ESYT3: variants seen among roughly 807,000 people sequenced by gnomAD.
ESYT3 encodes extended synaptotagmin 3.
ESYT3 carries 101 observed loss-of-function variants against 111.5 expected under a neutral mutation model. The observed-to-expected ratio is 0.91, with a 90% CI of 0.77 to 1.07. The LOEUF is 1.07. Among genes scored for constraint, ESYT3 ranks in the 50% least tolerant of loss-of-function variants. The pLI is 0.00. For synonymous variants in ESYT3, 416 were observed against 446.8 expected, an observed-to-expected ratio of 0.93 and a Z score of 0.87; for missense variants, 1,097 against 1,109.4, an observed-to-expected ratio of 0.99 and a Z score of 0.16.
chr3:138,471,119 C>A lies in ESYT3; in HGVS notation c.1740+93C>A, dbSNP rs981813065. 2.9e-6 allele frequency: 3 copies of A among 1,036,874 alleles called. No homozygotes were observed. In the Admixed American group the frequency reaches 6.0e-5, roughly 21 times the overall value. 64.2% of individuals were successfully genotyped at this position (1,036,874 alleles called of 1,614,324 possible). A position where few individuals can be genotyped will look rare whatever the true frequency, so the allele number is the denominator to read the frequency against. ...CCCAGCACTAAGCACCTGCTGTGTGCCTGGAAGAAGCCAGGAGATGGATTC... is the reference window on the plus strand; with the variant it reads ...CCCAGCACTAAGCACCTGCTGTGTGACTGGAAGAAGCCAGGAGATGGATTC... On this transcript the variant is annotated intron_variant, in intron 17 of 22. Coordinates refer to ENST00000389567, the MANE Select transcript of ESYT3 (RefSeq NM_031913.5).
At chr3:138,453,515 G>A (rs907904354) in intron 2 of ESYT3, among the ~76,000 whole-genome samples, 1 of 152,176 alleles carries the variant, frequency 6.6e-6, no homozygotes, top group South Asian at 2.1e-4. Context: ...GGAACAATGA[G>A]CCCTAAAATC....
At chr3:138,449,410 A>G (rs1244129430) in intron 1 of ESYT3, among the ~76,000 whole-genome samples, 1 of 152,086 alleles carries the variant, frequency 6.6e-6, no homozygotes, top group African/African-American at 2.4e-5. Context: ...TTCAGGATGC[A>G]TGTGGGTCAC....
intron 1 of ESYT3, among the ~76,000 whole-genome samples, chr3:138,444,840 A>G (rs1032263370): frequency 2.6e-5 from 4 of 152,236 alleles, no homozygotes; most frequent in African/African-American, 9.6e-5. Flanking sequence ...TTGGTGACAC[A>G]GCAGTGTTCT....
chr3:138,473,465 T>C (rs1030657104), intron 18 of ESYT3, 71 bp from the exon 19 acceptor site: 22 of 1,348,210 alleles, frequency 1.6e-5, no homozygotes, highest in Non-Finnish European at 2.2e-5. Flanking sequence ...AATGCTTCTT[T>C]GTCTTTGGGG....
chr3:138,468,122 C>G lies in ESYT3; in HGVS notation c.1236C>G (p.Asp412Glu). ...CCCCACAGTGGTTTGTCCTGAATGACACAACCAGCGGGCGGCTGCACCTGC... is the reference window on the plus strand; with the variant it reads ...CCCCACAGTGGTTTGTCCTGAATGAGACAACCAGCGGGCGGCTGCACCTGC... ...RVVDEWFVLNDTTSGRLHLRL... is the reference protein window; with the variant it reads ...RVVDEWFVLNETTSGRLHLRL... The change falls in exon 12 of 23, where the codon GAC becomes GAG. Residue 412 changes from aspartate (D) to glutamate (E), a missense_variant. By Grantham distance (45) the Asp-to-Glu change is conservative. Coordinates refer to ENST00000389567, the MANE Select transcript of ESYT3 (RefSeq NM_031913.5). 6.2e-7 allele frequency: 1 copy of G among 1,614,146 alleles called. No individual in the cohort carries two copies. Among genetic ancestry groups the G allele is most frequent in the Non-Finnish European group, 8.5e-7 (1 of 1,180,024 alleles).
At position 138,457,650 on chromosome 3, in the gene ESYT3, C is replaced by G. The variant is rs759241078; in HGVS notation, c.581+6C>G. Reference sequence around the variant, plus strand: ...ACTGTGGACCTGCAGATCTGGTGAGCTCTATCGGGCTGGGTATGGGCTTCG... The same window carrying G: ...ACTGTGGACCTGCAGATCTGGTGAGGTCTATCGGGCTGGGTATGGGCTTCG... On this transcript the variant is annotated splice_donor_region_variant and intron_variant, in intron 4 of 22. Transcript: ENST00000389567. The G allele has an allele frequency of 6.2e-7, 1 of 1,614,070 alleles. No individual in the cohort carries two copies.
chr3:138,450,524 T>G (rs2031852231), intron 1 of ESYT3, among the ~76,000 whole-genome samples: 1 of 152,150 alleles, frequency 6.6e-6, no homozygotes, highest in African/African-American at 2.4e-5. Flanking sequence ...TATAAACTTT[T>G]CTGAGTTAGT....
At chr3:138,470,584 C>T (rs931301391) in intron 16 of ESYT3, 1 of 1,187,884 alleles carries the variant, frequency 8.4e-7, no homozygotes, top group Non-Finnish European at 1.0e-6. Context: ...GGGCCCTGAG[C>T]CCTGCCTGGA....
At chr3:138,456,139 A>T (rs1325667576) in intron 3 of ESYT3, among the ~76,000 whole-genome samples, 1 of 152,118 alleles carries the variant, frequency 6.6e-6, no homozygotes, top group Non-Finnish European at 1.5e-5. Context: ...AGCCCTGGAG[A>T]TTGGGATTTC....
Position 138,459,228 on chromosome 3 carries a change from T to C in ESYT3, c.623T>C (p.Ile208Thr). ...DCEISVELQK[I>T]QAGVNGIQLQ... is the part of the protein sequence containing the mutation. ...GAGATCAGTGTGGAGCTGCAGAAGATTCAGGCTGGTGTGAACGGGATCCAG... is the reference window on the plus strand; with the variant it reads ...GAGATCAGTGTGGAGCTGCAGAAGACTCAGGCTGGTGTGAACGGGATCCAG... Residue 208 changes from isoleucine (I) to threonine (T), a missense_variant, in exon 5 of 23, where the codon ATT becomes ACT. By Grantham distance (89) the Ile-to-Thr change is moderately conservative. Transcript: ENST00000389567. The C allele has an allele frequency of 6.4e-7, 1 of 1,561,188 alleles. No individual in the cohort carries two copies. The highest frequency in any genetic ancestry group is 2.4e-5 in the East Asian group (1 of 42,284).
rs374878852 is a variant in ESYT3 at position 138,455,184 on chromosome 3, G to A, written c.370-10G>A. Reference sequence around the variant, plus strand: ...ACCTGACTACCAAGAGCCTCTTCCCGTCTTCACAGATCATCTCTCAGACCT... The same window carrying A: ...ACCTGACTACCAAGAGCCTCTTCCCATCTTCACAGATCATCTCTCAGACCT... On this transcript the variant is annotated splice_polypyrimidine_tract_variant and intron_variant, in intron 2 of 22. Transcript: ENST00000389567. 231 of 1,614,048 alleles carry A rather than the reference G, an allele frequency of 1.4e-4. No individual in the cohort carries two copies. Among genetic ancestry groups the A allele is most frequent in the Middle Eastern group, 1.3e-3 (8 of 6,060 alleles).
intron 1 of ESYT3, among the ~76,000 whole-genome samples, chr3:138,448,567 CAG>C (rs918112934): frequency 2.2e-4 from 34 of 151,990 alleles, no homozygotes; most frequent in South Asian, 4.2e-4. Context: ...TAAAAAAATC[CAG>C]AGAGATTAAA....
Position 138,472,946 on chromosome 3 carries a change from T to A in ESYT3, c.2237+87T>A, listed in dbSNP as rs2033306808. 4 of 1,522,210 alleles carry A rather than the reference T, an allele frequency of 2.6e-6. No individual in the cohort carries two copies. In the Admixed American group the frequency reaches 8.5e-5, roughly 32 times the overall value. 94.3% of individuals were successfully genotyped at this position (1,522,210 alleles called of 1,614,324 possible). ...GGAAAAGTAGATATGAACTTACATTTCTGTGCAAGTTGTTTTTTCACAAAA... is the reference window on the plus strand; with the variant it reads ...GGAAAAGTAGATATGAACTTACATTACTGTGCAAGTTGTTTTTTCACAAAA... On this transcript the variant is annotated intron_variant, in intron 18 of 22. Transcript: ENST00000389567.
chr3:138,448,292 AATG>A (rs2031691743), intron 1 of ESYT3, among the ~76,000 whole-genome samples: 1 of 149,476 alleles, frequency 6.7e-6, no homozygotes, highest in African/African-American at 2.5e-5. Flanking sequence ...AAAAAAAAAA[AATG>A]CAGGGGAGGG....
At chr3:138,436,798 T>A (rs2030734054) in intron 1 of ESYT3, among the ~76,000 whole-genome samples, 1 of 152,224 alleles carries the variant, frequency 6.6e-6, no homozygotes, top group Non-Finnish European at 1.5e-5. Context: ...TTGATGGCCT[T>A]AGCCCATGAG....
Position 138,434,933 on chromosome 3 carries a change from C to T in ESYT3, c.135C>T (p.Tyr45=). ...CCTTCGTGGTGCGCGTGCTGTTCTA[C>T]CTGGGGCCTGTCTACCTAGCTGGCT... ...LCTFVVRVLF[Y]LGPVYLAGYL... The change falls in exon 1 of 23, where the codon TAC becomes TAT. Residue 45 remains tyrosine, a synonymous_variant. Transcript: ENST00000389567. 2 of 1,552,322 alleles carry T rather than the reference C, an allele frequency of 1.3e-6. No individual in the cohort carries two copies. The highest frequency in any genetic ancestry group is 8.7e-7 in the Non-Finnish European group (1 of 1,147,272).
Position 138,474,625 on chromosome 3 carries a change from C to T in ESYT3, c.2468+273C>T. ...TACTCTTTCTGTTTAAATGAAGTCT[C>T]TCTGGTAGTAAAAAGATTTGAATGT... On this transcript the variant is annotated intron_variant, in intron 20 of 22. Transcript: ENST00000389567. 1.1e-5 allele frequency: 3 copies of T among 279,052 alleles called. No homozygotes were observed. In the East Asian group the frequency reaches 2.0e-4, roughly 18 times the overall value. 17.3% of individuals were successfully genotyped at this position (279,052 alleles called of 1,614,324 possible).
chr3:138,447,129 T>G (rs2031597624), intron 1 of ESYT3, among the ~76,000 whole-genome samples: 1 of 152,146 alleles, frequency 6.6e-6, no homozygotes, highest in African/African-American at 2.4e-5. Flanking sequence ...AAATCAACAG[T>G]TGTGCTTGGA....
rs1560223411 is a variant in ESYT3 at position 138,455,209 on chromosome 3, TG to T, written c.387del (p.Trp129CysfsTer4). 1 of 1,614,176 alleles carries T rather than the reference TG, an allele frequency of 6.2e-7. No homozygotes were observed. ...GTCTTCACAGATCATCTCTCAGACC[TG>T]GCCCTACCTAAGCATGATCATGGAA... is the stretch of plus-strand genomic sequence containing the variant. Reference protein sequence around the residue: ...EWANKIISQTWPYLSMIMESK... With the variant: ...EWANKIISQTXPYLSMIMESK... On this transcript the variant is annotated frameshift_variant, in exon 3 of 23. Coordinates refer to ENST00000389567, the MANE Select transcript of ESYT3 (RefSeq NM_031913.5). LOFTEE classifies it high-confidence loss of function.
Sources: allele counts gnomAD v4.1 joint callset (sites outside exome capture counted in the v4.1 genomes callset), GRCh38; gene constraint gnomAD v4.1.1; transcripts MANE v1.5; gene names NCBI Gene and HGNC (gene_info 2026-07-23, HGNC 2026-07-21).